TRIP12: variants seen among roughly 807,000 people sequenced by gnomAD.
TRIP12 encodes the protein E3 ubiquitin-protein ligase TRIP12.
Under a neutral mutation model 244.2 loss-of-function variants are expected in TRIP12, and 25 were observed. The observed-to-expected ratio is 0.10, with a 90% CI of 0.07 to 0.14. The LOEUF (loss-of-function observed/expected upper bound fraction) is 0.14, where lower values mean the gene tolerates loss of function less well. Among genes scored for constraint, TRIP12 ranks in the 10% least tolerant of loss-of-function variants. The pLI, the probability that TRIP12 is intolerant of heterozygous loss-of-function variation, is 1.00. For missense variants in TRIP12, 1,677 were observed against 2,486.4 expected, an observed-to-expected ratio of 0.67 and a Z score of 6.92; for synonymous variants, 905 against 873.1, an observed-to-expected ratio of 1.04 and a Z score of -0.64.
chr2:229,896,991 T>C (rs1406272374), intron 1 of TRIP12, among the ~76,000 whole-genome samples: 1 of 152,226 alleles, frequency 6.6e-6, no homozygotes, highest in Non-Finnish European at 1.5e-5. Flanking sequence ...CATATCAATG[T>C]AGGTTCACTG....
At chr2:229,843,894 A>C (rs1334821633) in intron 4 of TRIP12, among the ~76,000 whole-genome samples, 1 of 152,088 alleles carries the variant, frequency 6.6e-6, no homozygotes, top group East Asian at 1.9e-4. Context: ...GAAAAGGAAG[A>C]AAAGGAAGGG....
chr2:229,790,987 A>T, intron 30 of TRIP12, 137 bp downstream of exon 30: 1 of 1,118,566 alleles, frequency 8.9e-7, no homozygotes, highest in Non-Finnish European at 1.3e-6. Flanking sequence ...AAATGTGATC[A>T]AACTGTTTGT....
intron 1 of TRIP12, among the ~76,000 whole-genome samples, chr2:229,909,516 C>A (rs866666907): frequency 6.6e-6 from 1 of 151,612 alleles, no homozygotes; most frequent in Non-Finnish European, 1.5e-5. Context: ...AGTGACTGTG[C>A]CACTGGACTC....
At chr2:229,841,761 TAATTA>T (rs1415339023) in intron 4 of TRIP12, among the ~76,000 whole-genome samples, 2 of 152,212 alleles carry the variant, frequency 1.3e-5, no homozygotes, top group Non-Finnish European at 1.5e-5. Context: ...TTTCAGAGAC[TAATTA>T]ATTATACAAT....
At position 229,807,748 on chromosome 2, in the gene TRIP12, A is replaced by G. The variant is rs2046233871; in HGVS notation, c.2456T>C (p.Leu819Pro). The stretch of plus-strand genomic sequence containing the variant: ...GTCAATCCTGTTATATGGATGCCAG[A>G]GGCCCCGATCATCACGCCACTGCCA... ...AIWQWRDDRGLWHPYNRIDSR... is the reference protein window; with the variant it reads ...AIWQWRDDRGPWHPYNRIDSR... Residue 819 changes from leucine (L) to proline (P), a missense_variant, in exon 17 of 42, where the codon CTC (leucine) becomes CCC (proline). This residue lies in a region of TRIP12 where 572 missense variants were observed against 867.8 expected (regional missense o/e 0.66). Transcript: ENST00000675903. 2 of 1,614,082 alleles carry G rather than the reference A, an allele frequency of 1.2e-6. No homozygotes were observed. The highest frequency in any genetic ancestry group is 1.3e-5 in the African/African-American group (1 of 74,940).
intron 9 of TRIP12, among the ~76,000 whole-genome samples, chr2:229,816,981 T>C (rs2048662814): frequency 2.0e-5 from 3 of 152,186 alleles, no homozygotes; most frequent in Non-Finnish European, 4.4e-5. Context: ...AGAATGGAAA[T>C]GATAAAATTT....
At chr2:229,901,452 T>G (rs2070798901) in intron 1 of TRIP12, among the ~76,000 whole-genome samples, 1 of 150,754 alleles carries the variant, frequency 6.6e-6, no homozygotes, top group African/African-American at 2.4e-5. Context: ...GAAACCCCCC[T>G]CCTCTACTAA....
chr2:229,796,563 G>A, intron 25 of TRIP12, 28 bp downstream of exon 25: 1 of 1,529,184 alleles, frequency 6.5e-7, no homozygotes, highest in Non-Finnish European at 8.8e-7. Context: ...ATTCTTAAAA[G>A]ATACACAGGC....
At chr2:229,854,718 A>G (rs2059300386) in intron 4 of TRIP12, among the ~76,000 whole-genome samples, 1 of 152,214 alleles carries the variant, frequency 6.6e-6, no homozygotes, top group Non-Finnish European at 1.5e-5. Flanking sequence ...ATTCTATTGT[A>G]AACTATTTTC....
rs375227994 is a variant in TRIP12, at chr2:229,792,965, G to C, written c.4141+8C>G. ...ATATAACACACGAAACAAATATATG[G>C]AAAGTACCTCTAACTACAAGGTATC... On this transcript the variant is annotated splice_region_variant and intron_variant, in intron 27 of 41. Coordinates refer to ENST00000675903, the MANE Select transcript of TRIP12 (RefSeq NM_001348323.3). 3 of 1,607,600 alleles carry C rather than the reference G, an allele frequency of 1.9e-6. No homozygotes were observed. In the African/African-American group the frequency reaches 4.0e-5, roughly 22 times the overall value.
chr2:229,920,608 C>T (rs1308959021), intron 1 of TRIP12, among the ~76,000 whole-genome samples: 1 of 152,134 alleles, frequency 6.6e-6, no homozygotes, highest in Non-Finnish European at 1.5e-5. Context: ...ATCAAAAAAA[C>T]ACAACATTTG....
At chr2:229,775,150 GATTA>G (rs1396391893) in intron 37 of TRIP12, among the ~76,000 whole-genome samples, 8 of 152,090 alleles carry the variant, frequency 5.3e-5, no homozygotes, top group Admixed American at 1.3e-4. Flanking sequence ...AGAATGTTCT[GATTA>G]ATTAATTAGT....
chr2:229,913,919 A>T (rs1255183505), intron 1 of TRIP12, among the ~76,000 whole-genome samples: 1 of 152,250 alleles, frequency 6.6e-6, no homozygotes, highest in East Asian at 1.9e-4. Flanking sequence ...GAGAGTAAGG[A>T]GTAAAAATTT....
At position 229,796,571 on chromosome 2, in the gene TRIP12, G is replaced by A. The variant is rs200585196; in HGVS notation, c.3816+20C>T. ...AGCACTGATTCTTAAAAGATACACA[G>A]GCATTATTAGATAACTTACTGGAGA... is the stretch of plus-strand genomic sequence containing the variant. On this transcript the variant is annotated intron_variant, in intron 25 of 41. Transcript: ENST00000675903. 345 of 1,553,616 alleles carry A rather than the reference G, an allele frequency of 2.2e-4. No homozygotes were observed. The highest frequency in any genetic ancestry group is 2.1e-4 in the Non-Finnish European group (238 of 1,153,806).
intron 33 of TRIP12, among the ~76,000 whole-genome samples, chr2:229,786,424 C>T (rs1362224531): frequency 7.8e-6 from 1 of 128,300 alleles, no homozygotes; most frequent in African/African-American, 3.1e-5. Flanking sequence ...TTTTAGGTGG[C>T]GTCTCGCTCT....
intron 34 of TRIP12, among the ~76,000 whole-genome samples, chr2:229,785,031 A>T (rs1470833431): frequency 3.3e-5 from 5 of 152,246 alleles, no homozygotes; most frequent in Non-Finnish European, 5.9e-5. Flanking sequence ...CCCAAATGTG[A>T]ATCAACTGGT....
intron 1 of TRIP12, among the ~76,000 whole-genome samples, chr2:229,894,958 C>T (rs887093732): frequency 7.2e-5 from 11 of 152,144 alleles, no homozygotes; most frequent in African/African-American, 2.4e-4. Context: ...GAGAAAGGCA[C>T]CTTTAGGCCT....
intron 30 of TRIP12, among the ~76,000 whole-genome samples, chr2:229,790,496 T>C (rs1400636721): frequency 2.4e-5 from 3 of 126,998 alleles, no homozygotes; most frequent in African/African-American, 9.2e-5. Context: ...GGGAAACCAG[T>C]GTGAAAATTA....
chr2:229,831,079 T>C, intron 6 of TRIP12: 3 of 703,096 alleles, frequency 4.3e-6, no homozygotes, highest in Non-Finnish European at 7.9e-6. Context: ...TTCATTTATA[T>C]GTGGCTTTTG....
Sources: gnomAD v4.1 joint callset for allele counts (sites outside exome capture counted in the v4.1 genomes callset) on GRCh38, gnomAD v4.1.1 for gene constraint, gnomAD v4.1.1 regional missense constraint, MANE v1.5 for transcripts, NCBI Gene and HGNC (gene_info 2026-07-23, HGNC 2026-07-21) for gene names.